SETD2: variants seen among roughly 807,000 people sequenced by gnomAD.
SETD2 encodes the protein SET domain containing 2, histone lysine methyltransferase.
SETD2 carries 31 observed loss-of-function variants against 242.1 expected under a neutral mutation model. The ratio of observed to expected loss-of-function variants is 0.13; its 90% CI spans 0.10 to 0.17. SETD2 has a LOEUF of 0.17. Ranked by LOEUF, SETD2 falls within the 10% of genes least tolerant of loss-of-function variation. The pLI is 1.00. For missense variants in SETD2, 2,481 were observed against 3,046.3 expected (o/e 0.81, Z 4.37); for synonymous variants, 1,006 against 1,066.5 (o/e 0.94, Z 1.11).
At chr3:47,155,067 A>G (rs1292472174) in intron 1 of SETD2, among the ~76,000 whole-genome samples, 4 of 152,188 alleles carry the variant, frequency 2.6e-5, no homozygotes, top group Admixed American at 2.0e-4. Context: ...TGGTTAGTAC[A>G]TAGTAATAAA....
intron 17 of SETD2, among the ~76,000 whole-genome samples, chr3:47,038,366 C>G (rs564896221): frequency 1.3e-5 from 2 of 152,280 alleles, no homozygotes; most frequent in East Asian, 3.9e-4. Context: ...GTACTCCCAG[C>G]ACTTTGGGAG....
In SETD2 at chr3:47,120,657, C is replaced by A. The variant is rs774042042; in HGVS notation, c.3979G>T (p.Val1327Leu). The change falls in exon 3 of 21, where the codon GTA (valine) becomes TTA (leucine). Residue 1327 changes from valine (V) to leucine (L), a missense_variant. By Grantham distance (32) the Val-to-Leu change is conservative. Coordinates refer to ENST00000409792, the MANE Select transcript of SETD2 (RefSeq NM_014159.7). The stretch of plus-strand genomic sequence containing the variant: ...CGATCATCTGTTAGGGAATCTGGTA[C>A]TTGTCCTTGAGTTCGATCATACACA... ...GVVYDRTQGQ[V>L]PDSLTDDREE... is the part of the protein sequence containing the mutation. 47 of 1,613,996 alleles carry A rather than the reference C, an allele frequency of 2.9e-5. No individual in the cohort carries two copies. Among genetic ancestry groups the A allele is most frequent in the Non-Finnish European group, 3.6e-5 (42 of 1,180,054 alleles).
At position 47,084,512 on chromosome 3, in the gene SETD2, C is replaced by T. The variant is rs941128830; in HGVS notation, c.5398-130G>A. ...TGATCTTGGCTCACTGCAACCTCTG[C>T]CTCCTGGGTTCAAGCAATTCTCCTG... is the stretch of plus-strand genomic sequence containing the variant. On this transcript the variant is annotated intron_variant, in intron 11 of 20. Coordinates refer to ENST00000409792, the MANE Select transcript of SETD2 (RefSeq NM_014159.7). 4 of 630,894 alleles carry T rather than the reference C, an allele frequency of 6.3e-6. 1 individual carries two copies. The highest frequency in any genetic ancestry group is 1.9e-5 in the African/African-American group (1 of 54,000). 39.1% of individuals were successfully genotyped at this position (630,894 alleles called of 1,614,324 possible).
At chr3:47,138,464 C>G (rs1047826429) in intron 1 of SETD2, among the ~76,000 whole-genome samples, 1 of 151,958 alleles carries the variant, frequency 6.6e-6, no homozygotes, top group Non-Finnish European at 1.5e-5. Flanking sequence ...TCTTGTTGCC[C>G]AGGCTGAAGT....
chr3:47,124,543 C>A lies in SETD2; in HGVS notation c.93G>T (p.Lys31Asn), dbSNP rs2106730247. Residue 31 changes from lysine to asparagine, a missense_variant, in exon 3 of 21, where the codon AAG becomes AAT. This residue lies in a region of SETD2 where 334 missense variants were observed against 374.5 expected (regional missense o/e 0.89). Coordinates refer to ENST00000409792, the MANE Select transcript of SETD2 (RefSeq NM_014159.7). Reference sequence around the variant, plus strand: ...AACCTGTTTTCTGCACATTTTCAATCTTTGCCTACAAATGAACAAAATAAG... The same window carrying A: ...AACCTGTTTTCTGCACATTTTCAATATTTGCCTACAAATGAACAAAATAAG... Reference protein sequence around the residue: ...PTPEEEENEAKIENVQKTGFI... With the variant: ...PTPEEEENEANIENVQKTGFI... 10 of 1,538,926 alleles carry A rather than the reference C, an allele frequency of 6.5e-6. No homozygotes were observed. The highest frequency in any genetic ancestry group is 8.8e-6 in the Non-Finnish European group (10 of 1,139,454).
At chr3:47,152,453 GT>G (rs1239648084) in intron 1 of SETD2, among the ~76,000 whole-genome samples, 3 of 152,144 alleles carry the variant, frequency 2.0e-5, no homozygotes, top group Non-Finnish European at 2.9e-5. Context: ...TATAGAAAGA[GT>G]TTTTACAGTC....
intron 1 of SETD2, among the ~76,000 whole-genome samples, chr3:47,155,770 C>T (rs776688308): frequency 2.6e-5 from 4 of 152,136 alleles, no homozygotes; most frequent in Non-Finnish European, 5.9e-5. Context: ...TGTGCCACTG[C>T]ACTCCAGCCT....
At position 47,094,244 on chromosome 3, in the gene SETD2, A is replaced by G. The variant is rs573714818; in HGVS notation, c.5142+3711T>C. Among the ~76,000 whole-genome samples, 9 of 152,360 alleles carry G rather than the reference A, an allele frequency of 5.9e-5. No homozygotes were observed. In the South Asian group the frequency reaches 1.7e-3, roughly 28 times the overall value. On this transcript the variant is annotated intron_variant, in intron 9 of 20. Coordinates refer to ENST00000409792, the MANE Select transcript of SETD2 (RefSeq NM_014159.7). ...CATAGTAGGGACATATTATACTTCC[A>G]TCAAGTAAGTAAGTACTTAAGTACC...
At chr3:47,153,362 A>G (rs953477004) in intron 1 of SETD2, among the ~76,000 whole-genome samples, 8 of 152,224 alleles carry the variant, frequency 5.3e-5, no homozygotes, top group Non-Finnish European at 7.3e-5. Flanking sequence ...CAAATACTGT[A>G]TAAGTCCAAC....
At chr3:47,127,038 G>A (rs1452789385) in intron 1 of SETD2, among the ~76,000 whole-genome samples, 1 of 152,166 alleles carries the variant, frequency 6.6e-6, no homozygotes, top group Non-Finnish European at 1.5e-5. Context: ...AAGCAACTCA[G>A]TTTAGTGGGA....
chr3:47,157,987 T>A (rs2044164724), intron 1 of SETD2, among the ~76,000 whole-genome samples: 1 of 151,360 alleles, frequency 6.6e-6, no homozygotes. Flanking sequence ...AGGTAAGGAG[T>A]AATTAAGAAA....
intron 18 of SETD2, among the ~76,000 whole-genome samples, chr3:47,034,449 G>A (rs1227502057): frequency 6.6e-6 from 1 of 152,192 alleles, no homozygotes; most frequent in Non-Finnish European, 1.5e-5. Flanking sequence ...TCCTAGGATA[G>A]ACTATATTTT....
chr3:47,126,229 C>A (rs1000838903), intron 2 of SETD2, among the ~76,000 whole-genome samples: 1 of 152,154 alleles, frequency 6.6e-6, no homozygotes, highest in Non-Finnish European at 1.5e-5. Flanking sequence ...ACCATGTTGG[C>A]CAGGCTGGTC....
At chr3:47,072,763 G>A (rs998885624) in intron 12 of SETD2, among the ~76,000 whole-genome samples, 3 of 142,158 alleles carry the variant, frequency 2.1e-5, no homozygotes, top group South Asian at 2.4e-4. Flanking sequence ...GGCTAACACG[G>A]TGAAACCCTG....
In SETD2 at chr3:47,016,873, T is replaced by A; in HGVS notation, c.*220A>T. On this transcript the variant is annotated 3_prime_UTR_variant, in exon 21 of 21. Transcript: ENST00000409792. The stretch of plus-strand genomic sequence containing the variant: ...CTTTTCTAAGCCCTTGCACCTCTGA[T>A]GGCTTCTAACCACATGCCAACAGCT... 1.9e-6 allele frequency: 1 copy of A among 534,262 alleles called. No homozygotes were observed. Among genetic ancestry groups the A allele is most frequent in the Non-Finnish European group, 3.3e-6 (1 of 299,402 alleles). 33.1% of individuals were successfully genotyped at this position (534,262 alleles called of 1,614,324 possible).
chr3:47,048,041 C>T (rs546882409), intron 15 of SETD2, among the ~76,000 whole-genome samples: 1 of 152,242 alleles, frequency 6.6e-6, no homozygotes, highest in East Asian at 1.9e-4. Flanking sequence ...GCAACTATAA[C>T]TTAACAGTAT....
intron 9 of SETD2, among the ~76,000 whole-genome samples, chr3:47,091,538 G>A (rs2041804775): frequency 6.6e-6 from 1 of 152,050 alleles, no homozygotes; most frequent in Admixed American, 6.6e-5. Flanking sequence ...CAAGGTGGGT[G>A]GATCACCTAA....
intron 4 of SETD2, 55 bp downstream of exon 4, chr3:47,116,568 T>G (rs2042860882): frequency 6.5e-7 from 1 of 1,529,970 alleles, no homozygotes; most frequent in Admixed American, 2.0e-5. Context: ...AATTCAATAT[T>G]TAGAGACATT....
chr3:47,096,755 AC>A (rs202025179), intron 9 of SETD2, among the ~76,000 whole-genome samples: 2 of 152,082 alleles, frequency 1.3e-5, no homozygotes. Context: ...TCAAAAAAAA[AC>A]AAAGCCAAAC....
Sources: gnomAD v4.1 joint callset for allele counts (sites outside exome capture counted in the v4.1 genomes callset) on GRCh38, gnomAD v4.1.1 for gene constraint, gnomAD v4.1.1 regional missense constraint, MANE v1.5 for transcripts, NCBI Gene and HGNC (gene_info 2026-07-23, HGNC 2026-07-21) for gene names.